Variants in RALYL observed in about 807,000 individuals in gnomAD.
RALYL encodes RNA-binding Raly-like protein.
In RALYL, 29 loss-of-function variants were observed where a neutral mutation model predicts 35.1. The observed-to-expected ratio is 0.83, with a 90% CI of 0.61 to 1.13. The LOEUF (loss-of-function observed/expected upper bound fraction) is 1.13, where lower values mean the gene tolerates loss of function less well. RALYL is among the 50% of genes most tolerant of loss of function. The probability of loss-of-function intolerance (pLI) is 0.00; values close to 1 mark genes in which losing one functional copy is unlikely to be tolerated. For synonymous variants in RALYL, 120 were observed against 127.6 expected, an observed-to-expected ratio of 0.94 and a Z score of 0.40; for missense variants, 359 against 360.4, an observed-to-expected ratio of 1.00 and a Z score of 0.03.
At chr8:84,292,978 A>G (rs1839044644) in intron 1 of RALYL, among the ~76,000 whole-genome samples, 1 of 152,098 alleles carries the variant, frequency 6.6e-6, no homozygotes, top group Admixed American at 6.6e-5. Context: ...CACATTTCTT[A>G]CTTTCCACAT....
intron 1 of RALYL, among the ~76,000 whole-genome samples, chr8:84,236,718 G>A (rs1049504907): frequency 3.9e-5 from 6 of 151,992 alleles, no homozygotes; most frequent in South Asian, 2.1e-4. Context: ...AATCAATATC[G>A]TCGTGAGGTG....
intron 2 of RALYL, chr8:84,679,777 C>A (rs1194861582): frequency 1.9e-6 from 1 of 514,038 alleles, no homozygotes; most frequent in Non-Finnish European, 3.9e-6. Context: ...ACTGATGAAG[C>A]CAGGGAAATT....
intron 1 of RALYL, among the ~76,000 whole-genome samples, chr8:84,340,184 T>C (rs1848549477): frequency 6.6e-6 from 1 of 152,086 alleles, no homozygotes; most frequent in South Asian, 2.1e-4. Flanking sequence ...TTTTCTTTAT[T>C]AAATTACCTA....
intron 3 of RALYL, among the ~76,000 whole-genome samples, chr8:84,793,029 G>T (rs1368988006): frequency 6.6e-6 from 1 of 152,186 alleles, no homozygotes; most frequent in Non-Finnish European, 1.5e-5. Context: ...AGTTAAGTGT[G>T]ATGGGAAAGA....
rs1452517113 is a variant in RALYL, at chr8:84,399,073, C to A, written c.-23-130226C>A. 9.2e-5 allele frequency among the ~76,000 whole-genome samples: 14 copies of A among 151,946 alleles called. 2 individuals carry two copies. In the South Asian group the frequency reaches 2.7e-3, roughly 29 times the overall value. ...TAATGTCAGTTTCTATTAAAGTTGC[C>A]TAGATAAAATTATGTTTATGAAATT... On this transcript the variant is annotated intron_variant, in intron 1 of 8. Coordinates refer to ENST00000521268, the MANE Select transcript of RALYL (RefSeq NM_173848.7).
chr8:84,256,077 G>T (rs948705579), intron 1 of RALYL, among the ~76,000 whole-genome samples: 15 of 152,028 alleles, frequency 9.9e-5, no homozygotes, highest in Admixed American at 4.6e-4. Context: ...AGCTGCAAAG[G>T]GTATGTCTGA....
At chr8:84,213,542 A>C (rs568204820) in intron 1 of RALYL, among the ~76,000 whole-genome samples, 52 of 152,338 alleles carry the variant, frequency 3.4e-4, no homozygotes, top group African/African-American at 1.1e-3. Flanking sequence ...TTATCTTTTA[A>C]AATATATTGT....
At chr8:84,914,150 C>T (rs1848047553) in intron 8 of RALYL, among the ~76,000 whole-genome samples, 1 of 151,852 alleles carries the variant, frequency 6.6e-6, no homozygotes, top group Non-Finnish European at 1.5e-5. Context: ...ACTTGTAGTA[C>T]TTGTAGTGCT....
intron 1 of RALYL, among the ~76,000 whole-genome samples, chr8:84,248,546 C>T (rs1209830789): frequency 1.3e-5 from 2 of 152,032 alleles, no homozygotes; most frequent in Non-Finnish European, 2.9e-5. Flanking sequence ...ATATAGTCTG[C>T]TTTTGCGTAA....
At chr8:84,566,981 C>T (rs879140656) in intron 2 of RALYL, among the ~76,000 whole-genome samples, 4 of 151,708 alleles carry the variant, frequency 2.6e-5, no homozygotes, top group Admixed American at 2.6e-4. Context: ...ATCCCATCTC[C>T]TTGAACAATT....
At chr8:84,788,701 A>G (rs1353590789) in intron 3 of RALYL, among the ~76,000 whole-genome samples, 1 of 152,210 alleles carries the variant, frequency 6.6e-6, no homozygotes, top group African/African-American at 2.4e-5. Flanking sequence ...GTGTGGAGGC[A>G]TAGTTCCTAC....
chr8:84,726,284 AT>A (rs1844938010), intron 2 of RALYL, among the ~76,000 whole-genome samples: 1 of 146,602 alleles, frequency 6.8e-6, no homozygotes, highest in South Asian at 2.1e-4. Context: ...TTATTTATAT[AT>A]TTTTAAAAAT....
At position 84,670,358 on chromosome 8, in the gene RALYL, A is replaced by C. The variant is rs1220934097; in HGVS notation, c.257-104221A>C. ...ACACAATACTTGTACACAAATTAGC[A>C]ATTTCTGTTGACTATCCCTTGAGAA... is the stretch of plus-strand genomic sequence containing the variant. On this transcript the variant is annotated intron_variant, in intron 2 of 8. Coordinates refer to ENST00000521268, the MANE Select transcript of RALYL (RefSeq NM_173848.7). Among the ~76,000 whole-genome samples the C allele has an allele frequency of 2.0e-5, 3 of 152,302 alleles. No homozygotes were observed. In the East Asian group the frequency reaches 5.8e-4, roughly 29 times the overall value.
intron 2 of RALYL, among the ~76,000 whole-genome samples, chr8:84,648,685 T>C (rs1391889474): frequency 6.6e-6 from 1 of 151,850 alleles, no homozygotes; most frequent in Non-Finnish European, 1.5e-5. Flanking sequence ...TATTTAATTC[T>C]CATGTTTTCT....
intron 1 of RALYL, among the ~76,000 whole-genome samples, chr8:84,454,397 A>G (rs567915684): frequency 2.0e-4 from 30 of 152,070 alleles, no homozygotes; most frequent in African/African-American, 6.5e-4. Context: ...ACACTGCTAT[A>G]CATAACTTCA....
At chr8:84,207,020 G>A (rs1818216439) in intron 1 of RALYL, among the ~76,000 whole-genome samples, 1 of 152,080 alleles carries the variant, frequency 6.6e-6, no homozygotes, top group Non-Finnish European at 1.5e-5. Context: ...AAAAAGATAA[G>A]TGCTGGCCAG....
chr8:84,209,431 C>G (rs1002971922), intron 1 of RALYL, among the ~76,000 whole-genome samples: 3 of 152,178 alleles, frequency 2.0e-5, no homozygotes, highest in Non-Finnish European at 4.4e-5. Flanking sequence ...ATCCTACACT[C>G]TAAAAGCTTC....
At chr8:84,858,437 A>G (rs1359409259) in intron 5 of RALYL, among the ~76,000 whole-genome samples, 1 of 152,180 alleles carries the variant, frequency 6.6e-6, no homozygotes, top group Non-Finnish European at 1.5e-5. Context: ...AAGAAATATT[A>G]GGGAAAATTA....
chr8:84,412,648 A>G (rs79196641), intron 1 of RALYL, among the ~76,000 whole-genome samples: 1 of 151,960 alleles, frequency 6.6e-6, no homozygotes, highest in Admixed American at 6.6e-5. Context: ...CAGCCTCTAT[A>G]TTAATGATAA....
Sources: gnomAD v4.1 joint callset for allele counts (sites outside exome capture counted in the v4.1 genomes callset) on GRCh38, gnomAD v4.1.1 for gene constraint, MANE v1.5 for transcripts, NCBI Gene and HGNC (gene_info 2026-07-23, HGNC 2026-07-21) for gene names.